The following COQ8B variants were observed in gnomAD, a reference collection of about 807,000 sequenced individuals.
COQ8B encodes the protein coenzyme Q8B.
A neutral mutation model predicts 62.0 loss-of-function variants in COQ8B; 44 were observed. That is an observed-to-expected ratio of 0.71 (90% CI 0.56 to 0.91). COQ8B has a LOEUF of 0.91. Among genes scored for constraint, COQ8B ranks in the 40% least tolerant of loss-of-function variants. The pLI, the probability that COQ8B is intolerant of heterozygous loss-of-function variation, is 0.00. For missense variants in COQ8B, 649 were observed against 731.6 expected (o/e 0.89, Z 1.30); for synonymous variants, 252 against 289.9 (o/e 0.87, Z 1.33).
chr19:40,702,551 C>A, intron 10 of COQ8B, 49 bp downstream of exon 10: 1 of 1,594,538 alleles, frequency 6.3e-7, no homozygotes, highest in Non-Finnish European at 8.6e-7. Context: ...CTACTTCCCA[C>A]CCAGCCTGGG....
rs921064378 is a variant in COQ8B at position 40,691,556 on chromosome 19, T to C, written c.*479A>G. 6.5e-6 allele frequency: 1 copy of C among 153,120 alleles called. No individual in the cohort carries two copies. The allele number at this position is 153,120 out of a possible 1,614,324, so 9.5% of individuals were successfully genotyped here. On this transcript the variant is annotated 3_prime_UTR_variant, in exon 15 of 15. Transcript: ENST00000324464. ...AAGGGGAGGGCTGCTTTTATTCCGATTGAAGATTCAGCTCCCCCCCACCCC... is the reference window on the plus strand; with the variant it reads ...AAGGGGAGGGCTGCTTTTATTCCGACTGAAGATTCAGCTCCCCCCCACCCC...
intron 13 of COQ8B, 37 bp downstream of exon 13, chr19:40,695,952 A>G (rs1277992406): frequency 5.0e-6 from 8 of 1,604,206 alleles, no homozygotes; most frequent in African/African-American, 4.0e-5. Context: ...CTTGAGCCTC[A>G]GCCTTTCAGA....
chr19:40,713,031 C>G (rs2082154195), intron 4 of COQ8B, among the ~76,000 whole-genome samples: 1 of 152,128 alleles, frequency 6.6e-6, no homozygotes, highest in Non-Finnish European at 1.5e-5. Flanking sequence ...GAGACCCTAT[C>G]TCTACAAAAA....
Position 40,703,980 on chromosome 19 carries a change from C to T in COQ8B, c.577-125G>A, listed in dbSNP as rs1286453961. On this transcript the variant is annotated intron_variant, in intron 7 of 14. Transcript: ENST00000324464. ...CCCTGGGCTAAGCTCTTGGCTGCCACCCCCTTTGCAGATGAGGAAACTGAG... is the reference window on the plus strand; with the variant it reads ...CCCTGGGCTAAGCTCTTGGCTGCCATCCCCTTTGCAGATGAGGAAACTGAG... The T allele has an allele frequency of 5.5e-6, 7 of 1,270,498 alleles. No homozygotes were observed. In the East Asian group the frequency reaches 1.6e-4, roughly 28 times the overall value. 78.7% of individuals were successfully genotyped at this position (1,270,498 alleles called of 1,614,324 possible). A position where few individuals can be genotyped will look rare whatever the true frequency, so the allele number is the denominator to read the frequency against.
chr19:40,703,572 C>T lies in COQ8B; in HGVS notation c.768G>A (p.Ala256=), dbSNP rs11538385. Residue 256 remains alanine (A), a synonymous_variant, in exon 9 of 15, where the codon GCG becomes GCA. Transcript: ENST00000324464. ...SIQSDVQNLL[A]VLKMSAALPA... Reference sequence around the variant, plus strand: ...GCAGGGCCGCGCTCATCTTGAGTACCGCCAGCAGGTTCTGGACATCGCTCT... The same window carrying T: ...GCAGGGCCGCGCTCATCTTGAGTACTGCCAGCAGGTTCTGGACATCGCTCT... 453,789 of 1,608,596 alleles carry T rather than the reference C, an allele frequency of 0.28. 66,943 individuals are homozygous for T. Among genetic ancestry groups the T allele is most frequent in the South Asian group, 0.38 (34,521 of 90,594 alleles).
chr19:40,692,172 C>A lies in COQ8B; in HGVS notation c.1498G>T (p.Ala500Ser). ...RKLAGAFLAC[A>S]HLRAHIACRD... ...CAGGCGATGTGGGCTCGGAGGTGGGCACAGGCCAGGAAAGCCCCTGCCAGC... is the reference window on the plus strand; with the variant it reads ...CAGGCGATGTGGGCTCGGAGGTGGGAACAGGCCAGGAAAGCCCCTGCCAGC... The change falls in exon 15 of 15, where the codon GCC (alanine) becomes TCC (serine). Residue 500 changes from alanine (A) to serine (S), a missense_variant. By Grantham distance (99) the Ala-to-Ser change is moderately conservative. Coordinates refer to ENST00000324464, the MANE Select transcript of COQ8B (RefSeq NM_024876.4). The A allele has an allele frequency of 6.3e-7, 1 of 1,596,424 alleles. No individual in the cohort carries two copies. Among genetic ancestry groups the A allele is most frequent in the East Asian group, 2.3e-5 (1 of 43,890 alleles).
intron 7 of COQ8B, chr19:40,704,832 T>G: frequency 2.4e-6 from 1 of 422,556 alleles, no homozygotes. Context: ...GTAAACTGAT[T>G]TATGTGACCC....
At chr19:40,701,674 T>C (rs1187224885) in intron 10 of COQ8B, among the ~76,000 whole-genome samples, 1 of 152,210 alleles carries the variant, frequency 6.6e-6, no homozygotes, top group Non-Finnish European at 1.5e-5. Flanking sequence ...GAGGGGATGC[T>C]CTCTGGAGGC....
chr19:40,716,301 A>G (rs750954038), intron 1 of COQ8B, among the ~76,000 whole-genome samples: 5 of 152,180 alleles, frequency 3.3e-5, no homozygotes, highest in Non-Finnish European at 7.3e-5. Context: ...GTGGCAGCTC[A>G]GCCTTGGGGG....
At chr19:40,697,851 T>TATATATAGAGAGAGAG (rs1446181673) in intron 12 of COQ8B, among the ~76,000 whole-genome samples, 5 of 54,730 alleles carry the variant, frequency 9.1e-5, no homozygotes, top group Non-Finnish European at 1.3e-4. Context: ...TATATATATA[T>TATATATAGAGAGAGAG]AGAGAGAGAG....
At chr19:40,714,884 C>T (rs1266910334) in intron 1 of COQ8B, 33 of 1,296,862 alleles carry the variant, frequency 2.5e-5, no homozygotes, top group Non-Finnish European at 3.0e-5. Context: ...GCCCCCGTTA[C>T]TAGACACCCA....
In COQ8B at chr19:40,714,099, G is replaced by A; in HGVS notation, c.257C>T (p.Ala86Val). 1 of 1,614,146 alleles carries A rather than the reference G, an allele frequency of 6.2e-7. No homozygotes were observed. Among genetic ancestry groups the A allele is most frequent in the Non-Finnish European group, 8.5e-7 (1 of 1,180,012 alleles). Residue 86 changes from alanine to valine, a missense_variant, in exon 4 of 15, where the codon GCC (alanine) becomes GTC (valine). Transcript: ENST00000324464. ...SDRSRERKVP[A>V]SRISRLANFG... ...GTTGGCCAAGCGGCTGATGCGGGAG[G>A]CAGGCACCTTGCGTTCTCGAGAGCG...
chr19:40,697,940 G>C (rs997870275), intron 12 of COQ8B, among the ~76,000 whole-genome samples: 1 of 147,320 alleles, frequency 6.8e-6, no homozygotes, highest in African/African-American at 2.5e-5. Context: ...CCAAGGCCAG[G>C]CGCAATGGCT....
chr19:40,694,667 A>T (rs2082000114), intron 13 of COQ8B, among the ~76,000 whole-genome samples: 2 of 152,198 alleles, frequency 1.3e-5, no homozygotes, highest in Non-Finnish European at 2.9e-5. Context: ...TGCACATCCA[A>T]GTCTGAGAAA....
intron 9 of COQ8B, 115 bp downstream of exon 9, chr19:40,703,426 C>T (rs528811869): frequency 2.0e-4 from 216 of 1,102,962 alleles, no homozygotes; most frequent in Middle Eastern, 3.0e-4. Context: ...CTGACACTCC[C>T]GCTCACAACG....
intron 5 of COQ8B, among the ~76,000 whole-genome samples, chr19:40,705,932 GAAAAAAAA>G (rs982789621): frequency 2.3e-5 from 2 of 85,198 alleles, no homozygotes; most frequent in Non-Finnish European, 4.9e-5. Flanking sequence ...CCTGTCTCGG[GAAAAAAAA>G]AAAAAAAAGA....
At chr19:40,700,043 A>G (rs1317207592) in intron 12 of COQ8B, 24 bp downstream of exon 12, 1 of 1,598,914 alleles carries the variant, frequency 6.3e-7, no homozygotes, top group East Asian at 2.2e-5. Flanking sequence ...AAATGTACCC[A>G]GACACACATC....
chr19:40,715,393 C>G, intron 1 of COQ8B: 1 of 985,728 alleles, frequency 1.0e-6, no homozygotes, highest in Non-Finnish European at 1.2e-6. Context: ...CCCTTACAAA[C>G]CTGACGCCTC....
intron 1 of COQ8B, chr19:40,715,448 C>T (rs1424931845): frequency 2.0e-6 from 2 of 985,474 alleles, no homozygotes; most frequent in African/African-American, 1.7e-5. Flanking sequence ...TATTTTTACC[C>T]CTGGCAGGCT....
Sources: gnomAD v4.1 joint callset for allele counts (sites outside exome capture counted in the v4.1 genomes callset) on GRCh38, gnomAD v4.1.1 for gene constraint, MANE v1.5 for transcripts, NCBI Gene and HGNC (gene_info 2026-07-23, HGNC 2026-07-21) for gene names.